PTPN12: variants seen among roughly 807,000 people sequenced by gnomAD.
PTPN12 encodes tyrosine-protein phosphatase non-receptor type 12.
A neutral mutation model predicts 97.6 loss-of-function variants in PTPN12; 29 were observed. The ratio of observed to expected loss-of-function variants is 0.30; its 90% CI spans 0.22 to 0.41. The LOEUF (loss-of-function observed/expected upper bound fraction) is 0.41. Ranked by LOEUF, PTPN12 falls within the 10% of genes least tolerant of loss-of-function variation. The probability of loss-of-function intolerance (pLI) is 1.00; values close to 1 mark genes in which losing one functional copy is unlikely to be tolerated. For missense variants in PTPN12, 819 were observed against 926.0 expected (o/e 0.88, Z 1.50); for synonymous variants, 327 against 300.4 (o/e 1.09, Z -0.91).
In PTPN12 at chr7:77,639,490, C is replaced by T; in HGVS notation, c.*210C>T. 3.8e-6 allele frequency: 2 copies of T among 526,492 alleles called. No homozygotes were observed. Among genetic ancestry groups the T allele is most frequent in the Non-Finnish European group, 6.7e-6 (2 of 298,402 alleles). 32.6% of individuals were successfully genotyped at this position (526,492 alleles called of 1,614,324 possible). On this transcript the variant is annotated 3_prime_UTR_variant, in exon 18 of 18. Coordinates refer to ENST00000248594, the MANE Select transcript of PTPN12 (RefSeq NM_002835.4). ...TATTTTGAAACTTCAAGTATTATTG[C>T]CTTAATGTCTCTTAACCCTGTTACA...
intron 1 of PTPN12, among the ~76,000 whole-genome samples, chr7:77,556,037 A>G (rs1178780791): frequency 6.6e-6 from 1 of 152,054 alleles, no homozygotes; most frequent in Non-Finnish European, 1.5e-5. Context: ...TTCTTAGGAT[A>G]TTAATCATAG....
intron 1 of PTPN12, among the ~76,000 whole-genome samples, chr7:77,561,714 A>T (rs1177934590): frequency 6.6e-6 from 1 of 152,054 alleles, no homozygotes; most frequent in Non-Finnish European, 1.5e-5. Context: ...TTGTGGCTTA[A>T]TATGTTAATA....
intron 1 of PTPN12, among the ~76,000 whole-genome samples, chr7:77,563,068 T>G (rs1808072796): frequency 6.6e-6 from 1 of 152,158 alleles, no homozygotes. Context: ...AGGTTTTATT[T>G]AAAAACATTC....
At chr7:77,548,710 A>G (rs1163949172) in intron 1 of PTPN12, among the ~76,000 whole-genome samples, 3 of 152,244 alleles carry the variant, frequency 2.0e-5, no homozygotes, top group Non-Finnish European at 2.9e-5. Flanking sequence ...GTTTTCTGTC[A>G]GTATAGATTT....
At chr7:77,627,780 A>G (rs1789253904) in intron 13 of PTPN12, 105 bp downstream of exon 13, 1 of 1,148,728 alleles carries the variant, frequency 8.7e-7, no homozygotes, top group Non-Finnish European at 1.2e-6. Context: ...ACACTCTACC[A>G]TAGAACCTAC....
chr7:77,629,596 G>T (rs1370865045), intron 13 of PTPN12, among the ~76,000 whole-genome samples: 1 of 151,740 alleles, frequency 6.6e-6, no homozygotes, highest in Non-Finnish European at 1.5e-5. Context: ...ACTGGAAATA[G>T]GATTTGGTGA....
At chr7:77,566,136 G>A (rs1808245642) in intron 1 of PTPN12, among the ~76,000 whole-genome samples, 1 of 152,214 alleles carries the variant, frequency 6.6e-6, no homozygotes, top group Admixed American at 6.5e-5. Context: ...AGCAAAAATT[G>A]TGCAACTTTG....
chr7:77,625,026 T>C (rs182464866), intron 12 of PTPN12, among the ~76,000 whole-genome samples: 69 of 152,040 alleles, frequency 4.5e-4, no homozygotes, highest in African/African-American at 1.6e-3. Flanking sequence ...TCCCAGCTAC[T>C]CAGGAGGTTG....
At chr7:77,635,945 C>T (rs949163341) in intron 15 of PTPN12, 96 bp downstream of exon 15, 4 of 719,600 alleles carry the variant, frequency 5.6e-6, no homozygotes, top group Non-Finnish European at 8.6e-6. Flanking sequence ...ATCTTAAGAT[C>T]GTTAAATATA....
At chr7:77,602,599 G>A (rs1240794257) in intron 8 of PTPN12, among the ~76,000 whole-genome samples, 1 of 151,144 alleles carries the variant, frequency 6.6e-6, no homozygotes, top group East Asian at 1.9e-4. Flanking sequence ...CAGCCTGGGT[G>A]ACATAGTAGA....
intron 11 of PTPN12, among the ~76,000 whole-genome samples, chr7:77,614,714 T>TA (rs1316441880): frequency 6.6e-6 from 1 of 152,172 alleles, no homozygotes. Flanking sequence ...CCATAAATCT[T>TA]AAAGAAAATG....
intron 13 of PTPN12, among the ~76,000 whole-genome samples, chr7:77,631,839 T>C (rs1388414814): frequency 1.3e-5 from 2 of 152,240 alleles, no homozygotes; most frequent in African/African-American, 4.8e-5. Context: ...ATTTCAGTTA[T>C]TGCTGTTTAA....
In PTPN12 at chr7:77,566,675, GATTGCACCACTGCA is replaced by G. The variant is rs1222885312; in HGVS notation, c.100-4402_100-4389del. On this transcript the variant is annotated intron_variant, in intron 1 of 17. Transcript: ENST00000248594. ...GGAGTTTAAGACTGCAGTGAGCTGT[GATTGCACCACTGCA>G]TTCCAGCCTGGGCAACAGAGTGAGT... Among the ~76,000 whole-genome samples, 7 of 152,098 alleles carry G rather than the reference GATTGCACCACTGCA, an allele frequency of 4.6e-5. No individual in the cohort carries two copies. The East Asian group carries it at 1.2e-3, about 25-fold the overall frequency.
intron 9 of PTPN12, 169 bp downstream of exon 9, chr7:77,607,470 C>T (rs1412716965): frequency 1.8e-5 from 9 of 501,018 alleles, no homozygotes; most frequent in African/African-American, 8.0e-5. Context: ...CAGTGGCTTA[C>T]GCCTGTAATC....
intron 13 of PTPN12, among the ~76,000 whole-genome samples, chr7:77,628,955 G>A (rs910993498): frequency 6.6e-6 from 1 of 152,054 alleles, no homozygotes; most frequent in South Asian, 2.1e-4. Flanking sequence ...TAGACTAGAT[G>A]ACAGTCTTTT....
Position 77,541,686 on chromosome 7 carries a change from G to C in PTPN12, c.99+4041G>C, listed in dbSNP as rs115589086. ...TTTGATGGTTGAAAACTGATATCTT[G>C]TTTTAACTTGAATTTCTTGATTACT... On this transcript the variant is annotated intron_variant, in intron 1 of 17. Transcript: ENST00000248594. Among the ~76,000 whole-genome samples the C allele has an allele frequency of 6.8e-3, 1,032 of 152,178 alleles. 17 individuals carry two copies. Among genetic ancestry groups the C allele is most frequent in the African/African-American group, 0.023 (951 of 41,500 alleles).
At chr7:77,607,194 TATCACAAAA>T in intron 8 of PTPN12, 32 bp from the exon 9 acceptor site, 1 of 1,441,028 alleles carries the variant, frequency 6.9e-7, no homozygotes, top group Non-Finnish European at 9.5e-7. Context: ...ATAGTTGTTT[TATCACAAAA>T]ATCAATTGTT....
Position 77,571,182 on chromosome 7 carries a change from G to A in PTPN12, c.204G>A (p.Leu68=). 1.9e-6 allele frequency: 3 copies of A among 1,569,836 alleles called. No homozygotes were observed. The highest frequency in any genetic ancestry group is 2.6e-6 in the Non-Finnish European group (3 of 1,150,424). The change falls in exon 2 of 18, where the codon CTG becomes CTA. Residue 68 remains leucine (L), a synonymous_variant. Transcript: ENST00000248594. ...AAAAGAACAGATACAAGGACATACT[G>A]CCATGTAAGTTGGAAATGCCCTTGA... ...NVKKNRYKDI[L]PFDHSRVKLT...
intron 3 of PTPN12, among the ~76,000 whole-genome samples, chr7:77,583,324 C>T (rs551484114): frequency 6.6e-6 from 1 of 152,088 alleles, no homozygotes; most frequent in Non-Finnish European, 1.5e-5. Context: ...TTCTTAAATA[C>T]CTATTCTGTG....
Sources: gnomAD v4.1 joint callset for allele counts (sites outside exome capture counted in the v4.1 genomes callset) on GRCh38, gnomAD v4.1.1 for gene constraint, MANE v1.5 for transcripts, NCBI Gene and HGNC (gene_info 2026-07-23, HGNC 2026-07-21) for gene names.